Variants in HDAC9 observed in about 807,000 individuals in gnomAD.
The protein encoded by HDAC9 is histone deacetylase 9.
In HDAC9, 41 loss-of-function variants were observed where a neutral mutation model predicts 139.4. The observed-to-expected ratio is 0.29, with a 90% CI of 0.23 to 0.38. The LOEUF is 0.38. HDAC9 is among the 10% of genes least tolerant of loss of function. The probability of loss-of-function intolerance (pLI) is 1.00; values close to 1 mark genes in which losing one functional copy is unlikely to be tolerated. For synonymous variants in HDAC9, 517 were observed against 476.2 expected, an observed-to-expected ratio of 1.09 and a Z score of -1.12; for missense variants, 1,147 against 1,297.0, an observed-to-expected ratio of 0.88 and a Z score of 1.78.
chr7:18,988,033 A>C (rs528121376), intron 25 of HDAC9, among the ~76,000 whole-genome samples: 1 of 152,040 alleles, frequency 6.6e-6, no homozygotes, highest in Admixed American at 6.6e-5. Flanking sequence ...TGGATTCATT[A>C]ATTTTTTGAA....
intron 2 of HDAC9, among the ~76,000 whole-genome samples, chr7:18,510,812 A>G (rs1801276840): frequency 6.6e-6 from 1 of 152,196 alleles, no homozygotes; most frequent in Non-Finnish European, 1.5e-5. Context: ...AACTCTTCTA[A>G]GAGAAGAATG....
intron 1 of HDAC9, among the ~76,000 whole-genome samples, chr7:18,092,413 A>T (rs13311233): frequency 0.55 from 78,350 of 143,512 alleles, 20,611 homozygotes; most frequent in Admixed American, 0.63. Context: ...TTTTTTTTTT[A>T]AAAAAAAGAA....
chr7:18,411,655 G>C (rs531491271), intron 1 of HDAC9, among the ~76,000 whole-genome samples: 4 of 152,118 alleles, frequency 2.6e-5, no homozygotes, highest in African/African-American at 9.7e-5. Context: ...GATTACAGGC[G>C]TAAGCCACTG....
intron 16 of HDAC9, among the ~76,000 whole-genome samples, chr7:18,769,276 A>T (rs1000459542): frequency 6.6e-6 from 1 of 152,164 alleles, no homozygotes; most frequent in Non-Finnish European, 1.5e-5. Context: ...CTCACCTAGA[A>T]CTGCTTTAGT....
chr7:18,779,024 T>C (rs757613707), intron 16 of HDAC9, among the ~76,000 whole-genome samples: 2 of 152,058 alleles, frequency 1.3e-5, no homozygotes, highest in African/African-American at 4.8e-5. Context: ...GTCACAGTAT[T>C]CATTCATCAT....
At chr7:18,783,234 G>A (rs1026365720) in intron 16 of HDAC9, among the ~76,000 whole-genome samples, 6 of 151,850 alleles carry the variant, frequency 4.0e-5, no homozygotes, top group South Asian at 2.1e-4. Flanking sequence ...TTTACTTCTG[G>A]CTTCACCTTT....
intron 21 of HDAC9, among the ~76,000 whole-genome samples, chr7:18,842,491 A>T (rs1225795380): frequency 2.0e-5 from 3 of 152,112 alleles, no homozygotes; most frequent in Admixed American, 2.0e-4. Context: ...AAAGCAATAC[A>T]TATGAATTTA....
intron 1 of HDAC9, among the ~76,000 whole-genome samples, chr7:18,306,129 G>C (rs947000138): frequency 6.6e-6 from 1 of 152,180 alleles, no homozygotes; most frequent in Non-Finnish European, 1.5e-5. Context: ...GGTGTGCTAG[G>C]TAACTAAAGC....
chr7:18,250,470 T>A (rs1794848110), intron 2 of HDAC9, among the ~76,000 whole-genome samples: 1 of 152,226 alleles, frequency 6.6e-6, no homozygotes, highest in African/African-American at 2.4e-5. Context: ...CTTTCCATCA[T>A]CCCACTTTTC....
At chr7:18,705,866 AAATAAAATAAAAT>A (rs1783861680) in intron 12 of HDAC9, among the ~76,000 whole-genome samples, 1 of 146,148 alleles carries the variant, frequency 6.8e-6, no homozygotes, top group Non-Finnish European at 1.5e-5. Flanking sequence ...AAAAAAAATA[AAATAAAATAAAAT>A]AAAAGAAATG....
chr7:18,655,626 G>C (rs914325490), intron 11 of HDAC9, among the ~76,000 whole-genome samples: 1 of 152,156 alleles, frequency 6.6e-6, no homozygotes, highest in Non-Finnish European at 1.5e-5. Flanking sequence ...ATGAAATCCT[G>C]TGTTTGGAAA....
In HDAC9 at chr7:18,980,745, C is replaced by CCTTCTT. The variant is rs1230339394; in HGVS notation, c.3170+4800_3170+4805dup. On this transcript the variant is annotated intron_variant, in intron 25 of 25. Coordinates refer to ENST00000686413, the MANE Select transcript of HDAC9 (RefSeq NM_178425.4). Reference sequence around the variant, plus strand: ...CTTCTTCCTTCTTCTTCTTCTTCTTCCTTCTTCTTCTTCCTTCTTCTTCTT... The same window carrying CCTTCTT: ...CTTCTTCCTTCTTCTTCTTCTTCTTCCTTCTTCTTCTTCTTCTTCCTTCTTCTTCTT... 1.6e-3 allele frequency among the ~76,000 whole-genome samples: 51 copies of CCTTCTT among 32,676 alleles called. No individual in the cohort carries two copies. The East Asian group carries it at 0.095, about 61-fold the overall frequency. 21.4% of individuals were successfully genotyped at this position (32,676 alleles called of 152,430 possible).
At chr7:18,857,295 TAA>T (rs1355886841) in intron 21 of HDAC9, among the ~76,000 whole-genome samples, 1 of 151,400 alleles carries the variant, frequency 6.6e-6, no homozygotes. Context: ...TAATAGAAGA[TAA>T]AAGAGTGTCA....
At chr7:18,953,008 A>G (rs978114574) in intron 23 of HDAC9, among the ~76,000 whole-genome samples, 2 of 152,012 alleles carry the variant, frequency 1.3e-5, no homozygotes, top group African/African-American at 4.8e-5. Context: ...TGTAGATTTC[A>G]TGATTGAAGA....
chr7:18,225,896 T>C (rs1193613448), intron 2 of HDAC9, among the ~76,000 whole-genome samples: 1 of 152,148 alleles, frequency 6.6e-6, no homozygotes, highest in Non-Finnish European at 1.5e-5. Flanking sequence ...TATTAAGTCA[T>C]ACTTAGAGTA....
chr7:18,744,012 G>GTTTTTTTTTTTTTTTTTTTTTTT (rs35414332), intron 13 of HDAC9, among the ~76,000 whole-genome samples: 1 of 110,442 alleles, frequency 9.1e-6, no homozygotes, highest in Admixed American at 1.0e-4. Flanking sequence ...TTTACTACTA[G>GTTTTTTTTTTTTTTTTTTTTTTT]TTTTTTTTTT....
At chr7:18,625,391 G>T (rs1347046461) in intron 6 of HDAC9, among the ~76,000 whole-genome samples, 1 of 152,102 alleles carries the variant, frequency 6.6e-6, no homozygotes, top group Non-Finnish European at 1.5e-5. Flanking sequence ...CTGTCCCAGG[G>T]TTTCTCATAC....
intron 2 of HDAC9, among the ~76,000 whole-genome samples, chr7:18,192,620 G>T (rs776369878): frequency 1.3e-5 from 2 of 152,050 alleles, no homozygotes; most frequent in Non-Finnish European, 2.9e-5. Context: ...ATTTGGGGAT[G>T]GTAGGTATTT....
intron 17 of HDAC9, among the ~76,000 whole-genome samples, chr7:18,805,555 A>G (rs539936151): frequency 6.6e-6 from 1 of 152,336 alleles, no homozygotes; most frequent in Admixed American, 6.5e-5. Flanking sequence ...GCCAATTTTA[A>G]TCATGAAAGG....
Sources: gnomAD v4.1 joint callset for allele counts (sites outside exome capture counted in the v4.1 genomes callset) on GRCh38, gnomAD v4.1.1 for gene constraint, MANE v1.5 for transcripts, NCBI Gene and HGNC (gene_info 2026-07-23, HGNC 2026-07-21) for gene names.